NID1: variants seen among roughly 807,000 people sequenced by gnomAD.
NID1 encodes the protein nidogen-1.
NID1 carries 76 observed loss-of-function variants against 130.6 expected under a neutral mutation model. The observed-to-expected ratio is 0.58, with a 90% CI of 0.48 to 0.70. NID1 has a LOEUF of 0.70. NID1 is among the 30% of genes least tolerant of loss of function. The pLI is 0.00. For missense variants in NID1, 1,517 were observed against 1,664.8 expected (o/e 0.91, Z 1.54); for synonymous variants, 665 against 675.1 (o/e 0.98, Z 0.23).
At chr1:236,037,853 T>C (rs1558442693) in intron 5 of NID1, among the ~76,000 whole-genome samples, 1 of 152,146 alleles carries the variant, frequency 6.6e-6, no homozygotes, top group Non-Finnish European at 1.5e-5. Flanking sequence ...GGGCTCCCAG[T>C]GACTGTCCCC....
intron 1 of NID1, among the ~76,000 whole-genome samples, chr1:236,056,165 T>C (rs904649238): frequency 2.6e-5 from 4 of 152,204 alleles, no homozygotes; most frequent in African/African-American, 7.2e-5. Context: ...GAATTAAATG[T>C]AAAACCTGAA....
At chr1:236,007,241 C>T (rs1162869173) in intron 12 of NID1, among the ~76,000 whole-genome samples, 1 of 152,148 alleles carries the variant, frequency 6.6e-6, no homozygotes, top group African/African-American at 2.4e-5. Flanking sequence ...GCTATGTTGT[C>T]CAGGGTGTTC....
Position 236,056,605 on chromosome 1 carries a change from G to A in NID1, c.226-7616C>T, listed in dbSNP as rs77146735. Reference sequence around the variant, plus strand: ...ATTCCTTCTATCGAACTGTATGTTTGTACCCATTAACCAACCTCTTTTCGT... The same window carrying A: ...ATTCCTTCTATCGAACTGTATGTTTATACCCATTAACCAACCTCTTTTCGT... On this transcript the variant is annotated intron_variant, in intron 1 of 19. Transcript: ENST00000264187. Among the ~76,000 whole-genome samples the A allele has an allele frequency of 5.4e-3, 816 of 152,240 alleles. 4 individuals are homozygous for A. Among genetic ancestry groups the A allele is most frequent in the Non-Finnish European group, 7.9e-3 (539 of 68,014 alleles).
chr1:236,053,032 G>A (rs564020975), intron 1 of NID1, among the ~76,000 whole-genome samples: 36 of 152,362 alleles, frequency 2.4e-4, no homozygotes, highest in African/African-American at 8.7e-4. Context: ...CCGGATTTGT[G>A]ATTGTTTGTT....
In NID1 at chr1:235,977,881, T is replaced by C. The variant is rs775438661; in HGVS notation, c.3730A>G (p.Ile1244Val). 2.5e-6 allele frequency: 4 copies of C among 1,614,050 alleles called. No homozygotes were observed. Among genetic ancestry groups the C allele is most frequent in the Non-Finnish European group, 2.5e-6 (3 of 1,180,020 alleles). ...CACTCTTGTCTTCATTTCTGTTCGA[T>C]ACAGTCAACTCCCAAGGTGTTGTCA... ...CPDNTLGVDC[I>V]EQK The change falls in exon 20 of 20, where the codon ATC becomes GTC. Residue 1244 changes from isoleucine (I) to valine (V), a missense_variant. Coordinates refer to ENST00000264187, the MANE Select transcript of NID1 (RefSeq NM_002508.3).
At chr1:236,049,264 G>A (rs937836880) in intron 1 of NID1, among the ~76,000 whole-genome samples, 3 of 152,124 alleles carry the variant, frequency 2.0e-5, no homozygotes, top group Non-Finnish European at 4.4e-5. Flanking sequence ...ATTGGTGTGC[G>A]TACAAACATG....
At chr1:236,028,017 G>A (rs959747141) in intron 7 of NID1, among the ~76,000 whole-genome samples, 6 of 151,966 alleles carry the variant, frequency 3.9e-5, no homozygotes, top group Non-Finnish European at 7.4e-5. Context: ...TGTTTGACTC[G>A]GCACTTCTAT....
At chr1:236,019,704 C>T (rs1045371281) in intron 9 of NID1, among the ~76,000 whole-genome samples, 2 of 152,166 alleles carry the variant, frequency 1.3e-5, no homozygotes, top group South Asian at 2.1e-4. Context: ...TAATAGTCCA[C>T]GGTCTTTGCA....
In NID1 at chr1:236,013,576, T is replaced by C; in HGVS notation, c.2255-16A>G. 3.1e-6 allele frequency: 5 copies of C among 1,613,996 alleles called. No individual in the cohort carries two copies. Among genetic ancestry groups the C allele is most frequent in the Non-Finnish European group, 4.2e-6 (5 of 1,179,988 alleles). The stretch of plus-strand genomic sequence containing the variant: ...TCCACGACAGCTTCAGAACAAAAGG[T>C]TGATGCACAGTCTTAGGAAGAAAGT... On this transcript the variant is annotated splice_polypyrimidine_tract_variant and intron_variant, in intron 10 of 19. Coordinates refer to ENST00000264187, the MANE Select transcript of NID1 (RefSeq NM_002508.3).
chr1:236,025,803 C>T lies in NID1; in HGVS notation c.1984+93G>A, dbSNP rs1379673611. ...GATACTTTAGCATAATTTTCTTCTACAGACTGAGAGTAAGAGACCAAAAAC... is the reference window on the plus strand; with the variant it reads ...GATACTTTAGCATAATTTTCTTCTATAGACTGAGAGTAAGAGACCAAAAAC... On this transcript the variant is annotated intron_variant, in intron 8 of 19. Coordinates refer to ENST00000264187, the MANE Select transcript of NID1 (RefSeq NM_002508.3). 7 of 1,480,520 alleles carry T rather than the reference C, an allele frequency of 4.7e-6. No individual in the cohort carries two copies. The African/African-American group carries it at 9.8e-5, about 21-fold the overall frequency. The allele number at this position is 1,480,520 out of a possible 1,614,324, so 91.7% of individuals were successfully genotyped here. A position where few individuals can be genotyped will look rare whatever the true frequency, so the allele number is the denominator to read the frequency against.
chr1:235,993,223 G>C (rs778878428), intron 13 of NID1, among the ~76,000 whole-genome samples: 3 of 152,202 alleles, frequency 2.0e-5, no homozygotes, highest in Non-Finnish European at 4.4e-5. Flanking sequence ...AGAGCCCTGG[G>C]GAAGGGTTCA....
In NID1 at chr1:236,029,738, G is replaced by C. The variant is rs749486119; in HGVS notation, c.1550C>G (p.Thr517Ser). ...CACGAAGGTCACCTCAGCCTGGCGA[G>C]TGAACTCACCCCCTGAAAAACAAGA... The part of the protein sequence containing the change: ...NGFSITGGEF[T>S]RQAEVTFVGH... The change falls in exon 7 of 20, where the codon ACT becomes AGT. Residue 517 changes from threonine (T) to serine (S), a missense_variant. Around this residue, in one of 3 missense-constraint regions of NID1, gnomAD observed 1,329 missense variants for 1,429.2 expected, o/e 0.93. Coordinates refer to ENST00000264187, the MANE Select transcript of NID1 (RefSeq NM_002508.3). 1.2e-6 allele frequency: 2 copies of C among 1,614,108 alleles called. No individual in the cohort carries two copies. The highest frequency in any genetic ancestry group is 3.3e-5 in the Admixed American group (2 of 60,026).
chr1:236,045,473 C>T lies in NID1; in HGVS notation c.736G>A (p.Val246Ile), dbSNP rs10733133. The T allele has an allele frequency of 0.45, 728,728 of 1,612,712 alleles. 169,279 individuals are homozygous for T. The highest frequency in any genetic ancestry group is 0.68 in the East Asian group (30,356 of 44,852). ...AAAGCATACTTGGCCAAATTTTCAA[C>T]TGATTCCCTGTCATTAGCAAATATG... is the stretch of plus-strand genomic sequence containing the variant. Reference protein sequence around the residue: ...YNIFANDRESVENLAKSSNSG... With the variant: ...YNIFANDRESIENLAKSSNSG... The change falls in exon 3 of 20, where the codon GTT becomes ATT. Residue 246 changes from valine (V) to isoleucine (I), a missense_variant. By Grantham distance (29) the Val-to-Ile change is conservative (BLOSUM62 3). Coordinates refer to ENST00000264187, the MANE Select transcript of NID1 (RefSeq NM_002508.3).
At chr1:236,033,233 G>A (rs546230246) in intron 5 of NID1, among the ~76,000 whole-genome samples, 1 of 152,118 alleles carries the variant, frequency 6.6e-6, no homozygotes, top group Non-Finnish European at 1.5e-5. Flanking sequence ...GCTTGAACCC[G>A]GGAGGCTAAG....
intron 1 of NID1, among the ~76,000 whole-genome samples, chr1:236,055,023 G>C (rs893821037): frequency 6.6e-6 from 1 of 152,066 alleles, no homozygotes; most frequent in African/African-American, 2.4e-5. Flanking sequence ...AATAATTCAG[G>C]GCCGCGTGCG....
chr1:236,003,213 C>CTAGTAGTTGTCACTCCTAGTGAA lies in NID1; in HGVS notation c.2527+8707_2527+8708insTTCACTAGGAGTGACAACTACTA, dbSNP rs1558428730. Among the ~76,000 whole-genome samples the CTAGTAGTTGTCACTCCTAGTGAA allele has an allele frequency of 3.7e-5, 4 of 106,944 alleles. 1 individual carries two copies. The highest frequency in any genetic ancestry group is 3.8e-5 in the African/African-American group (1 of 26,014). The allele number at this position is 106,944 out of a possible 152,430, so 70.2% of individuals were successfully genotyped here. Reference sequence around the variant, plus strand: ...GGTAGTTGTCACTCCTAGTGAACGACCGGTAGTTATTCACTACTAATTTCA... The same window carrying CTAGTAGTTGTCACTCCTAGTGAA: ...GGTAGTTGTCACTCCTAGTGAACGACTAGTAGTTGTCACTCCTAGTGAACGGTAGTTATTCACTACTAATTTCA... On this transcript the variant is annotated intron_variant, in intron 12 of 19. Coordinates refer to ENST00000264187, the MANE Select transcript of NID1 (RefSeq NM_002508.3).
chr1:235,979,421 C>G lies in NID1; in HGVS notation c.3510-314G>C, dbSNP rs1657365345. Among the ~76,000 whole-genome samples, 1 of 152,150 alleles carries G rather than the reference C, an allele frequency of 6.6e-6. No homozygotes were observed. ...CCCTCCTTTTGCAGGAAGGGGTAGT[C>G]AGGAAGAGGCCGTGGGAATATTGCA... On this transcript the variant is annotated intron_variant, in intron 18 of 19. Transcript: ENST00000264187. The surrounding 1 kb of genome is among the most constrained non-coding windows in gnomAD (Gnocchi z 4.6).
At chr1:235,981,918 G>C (rs1657446588) in intron 15 of NID1, 136 bp from the exon 16 acceptor site, 1 of 765,498 alleles carries the variant, frequency 1.3e-6, no homozygotes, top group Non-Finnish European at 2.0e-6. Flanking sequence ...AATGTGAAAT[G>C]CTTGTTGTTT....
intron 1 of NID1, among the ~76,000 whole-genome samples, chr1:236,050,753 G>T (rs1307700945): frequency 6.6e-5 from 10 of 152,008 alleles, no homozygotes; most frequent in Non-Finnish European, 1.2e-4. Flanking sequence ...GCCAGTGATA[G>T]TTTTCCTTAG....
Sources: allele counts gnomAD v4.1 joint callset (sites outside exome capture counted in the v4.1 genomes callset), GRCh38; gene constraint gnomAD v4.1.1; regional missense constraint gnomAD v4.1.1; non-coding constraint Gnocchi (gnomAD v3.1); transcripts MANE v1.5; gene names NCBI Gene and HGNC (gene_info 2026-07-23, HGNC 2026-07-21).